Variants in PDE3B observed in about 807,000 individuals in gnomAD.
PDE3B encodes the protein cGMP-inhibited 3',5'-cyclic phosphodiesterase 3B.
In PDE3B, 66 loss-of-function variants were observed where a neutral mutation model predicts 116.8. The observed-to-expected ratio is 0.56, with a 90% CI of 0.46 to 0.69. PDE3B has a LOEUF of 0.69. Ranked by LOEUF, PDE3B falls within the 30% of genes least tolerant of loss-of-function variation. PDE3B has a pLI of 0.00. For synonymous variants in PDE3B, 595 were observed against 533.6 expected (o/e 1.12, Z -1.59); for missense variants, 1,384 against 1,368.1 (o/e 1.01, Z -0.18).
intron 12 of PDE3B, among the ~76,000 whole-genome samples, chr11:14,844,524 A>G (rs938258485): frequency 6.6e-6 from 1 of 152,264 alleles, no homozygotes; most frequent in South Asian, 2.1e-4. Flanking sequence ...GAGCCGAAGC[A>G]GGGCGAGGCA....
At chr11:14,785,923 A>G (rs1858176368) in intron 2 of PDE3B, among the ~76,000 whole-genome samples, 1 of 152,040 alleles carries the variant, frequency 6.6e-6, no homozygotes, top group Non-Finnish European at 1.5e-5. Context: ...TGCTTTACAT[A>G]TATTATCAGA....
chr11:14,685,477 A>G (rs1422987049), intron 1 of PDE3B, among the ~76,000 whole-genome samples: 1 of 116,912 alleles, frequency 8.6e-6, no homozygotes. Flanking sequence ...TTTTTTTAAG[A>G]CAGAGTCTTG....
At chr11:14,790,090 G>A (rs1016374247) in intron 4 of PDE3B, among the ~76,000 whole-genome samples, 1 of 152,004 alleles carries the variant, frequency 6.6e-6, no homozygotes, top group Non-Finnish European at 1.5e-5. Context: ...GGCAGGATTG[G>A]ATCATAGCTA....
intron 1 of PDE3B, among the ~76,000 whole-genome samples, chr11:14,737,916 A>G (rs181872808): frequency 6.6e-4 from 101 of 151,976 alleles, no homozygotes; most frequent in Admixed American, 3.1e-3. Context: ...ATGATTTCCA[A>G]TTTCATCCAT....
At chr11:14,762,191 C>G (rs941745964) in intron 1 of PDE3B, among the ~76,000 whole-genome samples, 1 of 151,586 alleles carries the variant, frequency 6.6e-6, no homozygotes, top group Non-Finnish European at 1.5e-5. Flanking sequence ...ACTGTATTGC[C>G]CAGGCTGGTT....
In PDE3B at chr11:14,675,944, T is replaced by TA. The variant is rs1708374714; in HGVS notation, c.978+30895dup. 2.0e-5 allele frequency among the ~76,000 whole-genome samples: 3 copies of TA among 152,258 alleles called. No individual in the cohort carries two copies. In the South Asian group the frequency reaches 6.2e-4, roughly 32 times the overall value. On this transcript the variant is annotated intron_variant, in intron 1 of 15. Transcript: ENST00000282096. ...GTCAGAGTAGATGTGTATTTAACATTAAAAGAAACTGACATACACTTTTTC... is the reference window on the plus strand; with the variant it reads ...GTCAGAGTAGATGTGTATTTAACATTAAAAAGAAACTGACATACACTTTTTC...
At chr11:14,647,161 A>C (rs1853434282) in intron 1 of PDE3B, among the ~76,000 whole-genome samples, 1 of 152,022 alleles carries the variant, frequency 6.6e-6, no homozygotes. Flanking sequence ...TGGAAGTAAA[A>C]GATCAGGAGA....
intron 12 of PDE3B, among the ~76,000 whole-genome samples, chr11:14,848,416 T>G (rs1224840172): frequency 1.3e-5 from 2 of 150,208 alleles, no homozygotes; most frequent in Admixed American, 1.3e-4. Flanking sequence ...GCATTCCCTT[T>G]GAAAACTGGC....
At chr11:14,690,863 G>A (rs1417616612) in intron 1 of PDE3B, among the ~76,000 whole-genome samples, 1 of 152,268 alleles carries the variant, frequency 6.6e-6, no homozygotes, top group East Asian at 1.9e-4. Flanking sequence ...ACTTTTTAAA[G>A]AAAGTGGCAG....
chr11:14,654,831 C>G lies in PDE3B; in HGVS notation c.978+9778C>G, dbSNP rs868234297. Among the ~76,000 whole-genome samples, 287 of 142,516 alleles carry G rather than the reference C, an allele frequency of 2.0e-3. 1 individual carries two copies. The highest frequency in any genetic ancestry group is 7.0e-3 in the African/African-American group (263 of 37,794). The allele number at this position is 142,516 out of a possible 152,430, so 93.5% of individuals were successfully genotyped here. On this transcript the variant is annotated intron_variant, in intron 1 of 15. Coordinates refer to ENST00000282096, the MANE Select transcript of PDE3B (RefSeq NM_000922.4). ...ACACACACACACACACACACACACA[C>G]AGAGCTAGTGCAACTGCTGAAAGAG...
the PDE3B span, chr11:14,890,945 A>G: frequency 1.0e-6 from 1 of 985,308 alleles, no homozygotes; most frequent in Non-Finnish European, 1.2e-6. Context: ...TTCCTTCAAA[A>G]CACTGACCAC....
intron 11 of PDE3B, among the ~76,000 whole-genome samples, chr11:14,835,540 A>G (rs1202122271): frequency 2.0e-5 from 3 of 152,206 alleles, no homozygotes; most frequent in African/African-American, 4.8e-5. Flanking sequence ...AAGTATTTCA[A>G]TGATGACATT....
chr11:14,664,020 AG>A (rs1412861681), intron 1 of PDE3B, among the ~76,000 whole-genome samples: 1 of 152,194 alleles, frequency 6.6e-6, no homozygotes, highest in Non-Finnish European at 1.5e-5. Context: ...TTGGAAGTAA[AG>A]CTCTCCTCAG....
intron 1 of PDE3B, among the ~76,000 whole-genome samples, chr11:14,665,524 G>T (rs554727260): frequency 6.6e-6 from 1 of 152,162 alleles, no homozygotes; most frequent in Admixed American, 6.5e-5. Flanking sequence ...AAACCCCATT[G>T]TCTCAGCCCA....
intron 1 of PDE3B, among the ~76,000 whole-genome samples, chr11:14,722,936 A>T (rs1856167608): frequency 6.6e-6 from 1 of 152,226 alleles, no homozygotes; most frequent in Non-Finnish European, 1.5e-5. Flanking sequence ...CTAAACCTTC[A>T]AATCTTATTT....
At chr11:14,767,611 G>T (rs765432935) in intron 1 of PDE3B, among the ~76,000 whole-genome samples, 3 of 151,386 alleles carry the variant, frequency 2.0e-5, no homozygotes, top group Non-Finnish European at 4.4e-5. Context: ...AATACTTCAG[G>T]TAAGATGATT....
intron 11 of PDE3B, among the ~76,000 whole-genome samples, chr11:14,835,927 T>C (rs916961912): frequency 6.6e-6 from 1 of 152,258 alleles, no homozygotes; most frequent in African/African-American, 2.4e-5. Flanking sequence ...GTCATTGCAC[T>C]GACATATATC....
chr11:14,652,220 CA>C (rs1359350374), intron 1 of PDE3B, among the ~76,000 whole-genome samples: 1 of 151,810 alleles, frequency 6.6e-6, no homozygotes. Context: ...TTTCTAAGAC[CA>C]TTTGTTGAAA....
chr11:14,776,772 C>T (rs1417783913), intron 2 of PDE3B: 1 of 151,858 alleles, frequency 6.6e-6, no homozygotes, highest in Non-Finnish European at 1.5e-5. Context: ...GTGTGATAAA[C>T]CTAAATGGGG....
Sources: gnomAD v4.1 joint callset for allele counts (sites outside exome capture counted in the v4.1 genomes callset) on GRCh38, gnomAD v4.1.1 for gene constraint, MANE v1.5 for transcripts, NCBI Gene and HGNC (gene_info 2026-07-23, HGNC 2026-07-21) for gene names.